The following DNAL1 variants were observed in gnomAD, a reference collection of about 807,000 sequenced individuals.
DNAL1 encodes dynein axonemal light chain 1.
In DNAL1, 17 loss-of-function variants were observed where a neutral mutation model predicts 29.4. That is an observed-to-expected ratio of 0.58 (90% CI 0.40 to 0.87). DNAL1 has a LOEUF of 0.87. Ranked by LOEUF, DNAL1 falls within the 40% of genes least tolerant of loss-of-function variation. DNAL1 has a pLI of 0.00. For synonymous variants in DNAL1, 78 were observed against 76.3 expected (o/e 1.02, Z -0.12); for missense variants, 188 against 214.1 (o/e 0.88, Z 0.76).
intron 4 of DNAL1, among the ~76,000 whole-genome samples, chr14:73,662,288 T>C (rs1157009041): frequency 1.3e-5 from 2 of 152,204 alleles, no homozygotes; most frequent in Non-Finnish European, 2.9e-5. Context: ...TTAAATAGAA[T>C]ATCAGATTTT....
intron 1 of DNAL1, among the ~76,000 whole-genome samples, chr14:73,646,646 C>T (rs986310387): frequency 7.2e-5 from 11 of 152,278 alleles, no homozygotes; most frequent in African/African-American, 1.2e-4. Flanking sequence ...GCTGTAATCC[C>T]AGCTACTCAG....
chr14:73,647,379 AAAG>A (rs1891005025), intron 1 of DNAL1, among the ~76,000 whole-genome samples: 1 of 106,042 alleles, frequency 9.4e-6, no homozygotes, highest in African/African-American at 3.2e-5. Flanking sequence ...AAAAAAAAAA[AAAG>A]AAAAAGAAAA....
In DNAL1 at chr14:73,654,851, AAGC is replaced by A. The variant is rs1566880030; in HGVS notation, c.10_12del (p.Ala4del). ...TTCTTTTTTTTTTTTTTAAAGGCGA[AAGC>A]AACAACAATCAAAGAAGCCTTAGCG... On this transcript the variant is annotated inframe_deletion, in exon 2 of 8. Transcript: ENST00000553645. 1 of 1,524,328 alleles carries A rather than the reference AAGC, an allele frequency of 6.6e-7. No homozygotes were observed. The allele number at this position is 1,524,328 out of a possible 1,614,324, so 94.4% of individuals were successfully genotyped here. A position where few individuals can be genotyped will look rare whatever the true frequency, so the allele number is the denominator to read the frequency against.
chr14:73,689,661 G>C, intron 7 of DNAL1, 146 bp downstream of exon 7: 2 of 1,256,828 alleles, frequency 1.6e-6, no homozygotes, highest in East Asian at 5.1e-5. Flanking sequence ...GAATGGTCTA[G>C]GTTTGAGCCA....
Position 73,671,548 on chromosome 14 carries a change from T to A in DNAL1, c.215T>A (p.Leu72Ter). The A allele has an allele frequency of 6.7e-7, 1 of 1,487,518 alleles. No individual in the cohort carries two copies. Among genetic ancestry groups the A allele is most frequent in the Non-Finnish European group, 9.0e-7 (1 of 1,113,018 alleles). 92.1% of individuals were successfully genotyped at this position (1,487,518 alleles called of 1,614,324 possible). A position where few individuals can be genotyped will look rare whatever the true frequency, so the allele number is the denominator to read the frequency against. ...KIANLNGLKN[L>*]RILSLGRNNI... is the part of the protein sequence containing the mutation. ...TGTTTTCTTTTCACTACAGAAAACT[T>A]GAGGATATTATCTTTAGGAAGAAAC... Residue 72 changes from leucine to a stop codon, truncating the protein, a stop_gained, in exon 5 of 8, where the codon TTG becomes TAG. Transcript: ENST00000553645. LOFTEE classifies it high-confidence loss of function.
chr14:73,676,997 G>T (rs1891750031), intron 5 of DNAL1, among the ~76,000 whole-genome samples: 1 of 138,910 alleles, frequency 7.2e-6, no homozygotes, highest in Admixed American at 7.7e-5. Flanking sequence ...TTGAGATGCA[G>T]TCTTGCTCTG....
chr14:73,681,619 A>AT (rs1432754188), intron 5 of DNAL1, among the ~76,000 whole-genome samples: 123 of 42,032 alleles, frequency 2.9e-3, no homozygotes, highest in Non-Finnish European at 3.8e-3. Context: ...AAAAAAAAAA[A>AT]AAAAAAAAAA....
chr14:73,647,752 G>A (rs1440420554), intron 1 of DNAL1, among the ~76,000 whole-genome samples: 2 of 152,146 alleles, frequency 1.3e-5, no homozygotes, highest in African/African-American at 4.8e-5. Flanking sequence ...TTATATTGCT[G>A]CAATAAACAG....
chr14:73,691,144 CAT>C (rs1892162217), intron 7 of DNAL1, among the ~76,000 whole-genome samples: 3 of 152,258 alleles, frequency 2.0e-5, no homozygotes, highest in Admixed American at 2.0e-4. Flanking sequence ...CATTTCAGAA[CAT>C]ATATCAGAGT....
At chr14:73,656,295 A>G (rs1272454625) in intron 2 of DNAL1, among the ~76,000 whole-genome samples, 1 of 152,158 alleles carries the variant, frequency 6.6e-6, no homozygotes, top group Non-Finnish European at 1.5e-5. Context: ...AAAAAAGCAT[A>G]TGAAGTAGAC....
In DNAL1 at chr14:73,699,723, C is replaced by G. The variant is rs1892387017; in HGVS notation, c.*3781C>G. ...CTAAGCATTCTTGCTTATCTTAGGA[C>G]AGTGATTATTAACCTACCTCTCTGT... On this transcript the variant is annotated 3_prime_UTR_variant, in exon 8 of 8. Transcript: ENST00000553645. 6.6e-6 allele frequency: 1 copy of G among 152,130 alleles called. No individual in the cohort carries two copies. The highest frequency in any genetic ancestry group is 2.4e-5 in the African/African-American group (1 of 41,414). 9.4% of individuals were successfully genotyped at this position (152,130 alleles called of 1,614,324 possible).
intron 5 of DNAL1, among the ~76,000 whole-genome samples, chr14:73,676,247 A>AT (rs201851157): frequency 4.7e-5 from 7 of 150,196 alleles, no homozygotes; most frequent in South Asian, 2.1e-4. Context: ...AAAAAAAAAA[A>AT]TTTTTTTTTT....
chr14:73,665,942 C>T (rs575763083), intron 4 of DNAL1, among the ~76,000 whole-genome samples: 22 of 152,172 alleles, frequency 1.4e-4, no homozygotes, highest in African/African-American at 4.1e-4. Flanking sequence ...CTTAGTGGAA[C>T]GAATACCTTG....
chr14:73,654,828 C>CTTT lies in DNAL1; in HGVS notation c.4-7_4-5dup. ...TACAACTTTGTTTTTTCTTTTCTTT[C>CTTT]TTTTTTTTTTTTTTAAAGGCGAAAG... On this transcript the variant is annotated intron_variant, in intron 1 of 7. Transcript: ENST00000553645. 9.0e-6 allele frequency: 12 copies of CTTT among 1,338,780 alleles called. No homozygotes were observed. The highest frequency in any genetic ancestry group is 4.3e-5 in the South Asian group (3 of 69,592). The allele number at this position is 1,338,780 out of a possible 1,614,324, so 82.9% of individuals were successfully genotyped here.
At position 73,675,231 on chromosome 14, in the gene DNAL1, CAA is replaced by C. The variant is rs71305814; in HGVS notation, c.264+3636_264+3637del. On this transcript the variant is annotated intron_variant, in intron 5 of 7. Coordinates refer to ENST00000553645, the MANE Select transcript of DNAL1 (RefSeq NM_031427.4). ...ACACAAACACACACACACACACACACAAATCCTAATGACCATTCAGTTTTGAT... is the reference window on the plus strand; with the variant it reads ...ACACAAACACACACACACACACACACATCCTAATGACCATTCAGTTTTGAT... 7.3e-3 allele frequency among the ~76,000 whole-genome samples: 1,112 copies of C among 151,918 alleles called. 13 individuals carry two copies. Among genetic ancestry groups the C allele is most frequent in the African/African-American group, 0.025 (1,038 of 41,384 alleles).
intron 7 of DNAL1, among the ~76,000 whole-genome samples, chr14:73,694,742 T>C (rs1005447300): frequency 6.6e-6 from 1 of 150,414 alleles, no homozygotes; most frequent in South Asian, 2.1e-4. Context: ...CAGGCTGGAG[T>C]GCAATGGCAT....
intron 5 of DNAL1, among the ~76,000 whole-genome samples, chr14:73,680,665 C>G (rs1375767560): frequency 6.7e-6 from 1 of 149,750 alleles, no homozygotes; most frequent in East Asian, 1.9e-4. Flanking sequence ...TAAAAATCTT[C>G]TCTTCTAGCT....
Position 73,695,679 on chromosome 14 carries a change from G to A in DNAL1, c.533-223G>A, listed in dbSNP as rs531354449. On this transcript the variant is annotated intron_variant, in intron 7 of 7. Coordinates refer to ENST00000553645, the MANE Select transcript of DNAL1 (RefSeq NM_031427.4). ...CAAGTAACTGGGATTACAACCGCCC[G>A]CCACCATGCCCAGCTAATTTTTGTA... 1.4e-4 allele frequency among the ~76,000 whole-genome samples: 22 copies of A among 151,956 alleles called. No homozygotes were observed. In the South Asian group the frequency reaches 3.3e-3, roughly 23 times the overall value.
At chr14:73,646,467 A>C (rs1322066053) in intron 1 of DNAL1, among the ~76,000 whole-genome samples, 1 of 127,400 alleles carries the variant, frequency 7.8e-6, no homozygotes, top group Admixed American at 8.1e-5. Flanking sequence ...AAAAGCGGCC[A>C]GGGTGTGGTG....
Sources: gnomAD v4.1 joint callset for allele counts (sites outside exome capture counted in the v4.1 genomes callset) on GRCh38, gnomAD v4.1.1 for gene constraint, MANE v1.5 for transcripts, NCBI Gene and HGNC (gene_info 2026-07-23, HGNC 2026-07-21) for gene names.